STAT4: variants seen among roughly 807,000 people sequenced by gnomAD.
STAT4 encodes signal transducer and activator of transcription 4.
In STAT4, 42 loss-of-function variants were observed where a neutral mutation model predicts 110.5. The ratio of observed to expected loss-of-function variants is 0.38; its 90% CI spans 0.30 to 0.49. The LOEUF (loss-of-function observed/expected upper bound fraction) is 0.49. Among genes scored for constraint, STAT4 ranks in the 20% least tolerant of loss-of-function variants. STAT4 has a pLI of 0.95. For missense variants in STAT4, 632 were observed against 887.9 expected, an observed-to-expected ratio of 0.71 and a Z score of 3.66; for synonymous variants, 284 against 302.2, an observed-to-expected ratio of 0.94 and a Z score of 0.63.
chr2:191,031,137 G>A lies in STAT4; in HGVS notation c.2112-57C>T, dbSNP rs1285311166. The A allele has an allele frequency of 1.5e-5, 23 of 1,549,866 alleles. No homozygotes were observed. The highest frequency in any genetic ancestry group is 2.7e-5 in the African/African-American group (2 of 73,394). On this transcript the variant is annotated intron_variant, in intron 22 of 23. Transcript: ENST00000392320. The surrounding 1 kb of genome is among the most constrained non-coding windows in gnomAD (Gnocchi z 4.8). ...GGATTAAAAAATAATAATAGTTCAC[G>A]GTGACTTACTATGTCAGGAACTCAT...
intron 3 of STAT4, among the ~76,000 whole-genome samples, chr2:191,129,317 G>A (rs1449234520): frequency 6.6e-6 from 1 of 152,154 alleles, no homozygotes; most frequent in African/African-American, 2.4e-5. Context: ...GCACAGGCAT[G>A]GTGGTGCATG....
At chr2:191,098,852 C>T (rs1031499531) in intron 3 of STAT4, among the ~76,000 whole-genome samples, 2 of 151,742 alleles carry the variant, frequency 1.3e-5, no homozygotes, top group Non-Finnish European at 2.9e-5. Context: ...AGAAACTATA[C>T]AAAAAAGATG....
intron 14 of STAT4, among the ~76,000 whole-genome samples, chr2:191,052,487 T>A (rs1311654844): frequency 1.3e-5 from 2 of 152,304 alleles, no homozygotes; most frequent in East Asian, 3.8e-4. Context: ...TTGAAGGCAA[T>A]ATAAGTAGAC....
chr2:191,076,065 A>G, intron 4 of STAT4, 162 bp downstream of exon 4: 3 of 593,352 alleles, frequency 5.1e-6, no homozygotes, highest in Non-Finnish European at 9.0e-6. Context: ...CATTGGCCAG[A>G]CTGGTCTCAA....
Position 191,069,595 on chromosome 2 carries a change from A to C in STAT4, c.544+98T>G, listed in dbSNP as rs1285715040. 6.5e-5 allele frequency: 59 copies of C among 903,850 alleles called. 1 individual carries two copies. Among genetic ancestry groups the C allele is most frequent in the Non-Finnish European group, 1.0e-4 (57 of 565,208 alleles). The allele number at this position is 903,850 out of a possible 1,614,324, so 56.0% of individuals were successfully genotyped here. ...CCCTGTATTTCCCTAGGCTCACCTA[A>C]GGAAGTAGATCAAATTTATCCACTC... On this transcript the variant is annotated intron_variant, in intron 6 of 23. Transcript: ENST00000392320.
chr2:191,136,021 A>AT, intron 3 of STAT4, among the ~76,000 whole-genome samples: 1 of 135,506 alleles, frequency 7.4e-6, no homozygotes, highest in Admixed American at 7.4e-5. Flanking sequence ...AAAAAAAAAA[A>AT]ACCAAAAAAC....
At position 191,042,940 on chromosome 2, in the gene STAT4, T is replaced by C. The variant is rs987394310; in HGVS notation, c.1252-1792A>G. Among the ~76,000 whole-genome samples, 2 of 151,948 alleles carry C rather than the reference T, an allele frequency of 1.3e-5. No homozygotes were observed. The highest frequency in any genetic ancestry group is 2.9e-5 in the Non-Finnish European group (2 of 67,966). Reference sequence around the variant, plus strand: ...GATTACAGGCATGCGCCACCATGCCTGGCTAATTTTGTATTTTTAGTAGAG... The same window carrying C: ...GATTACAGGCATGCGCCACCATGCCCGGCTAATTTTGTATTTTTAGTAGAG... On this transcript the variant is annotated intron_variant, in intron 14 of 23. Transcript: ENST00000392320. This position sits in a 1 kb window ranked among gnomAD's most constrained non-coding sequence, Gnocchi z 4.2.
chr2:191,036,492 G>A (rs1696050182), intron 16 of STAT4, among the ~76,000 whole-genome samples, 193 bp from the exon 17 acceptor site: 1 of 152,118 alleles, frequency 6.6e-6, no homozygotes, highest in African/African-American at 2.4e-5. Flanking sequence ...CAGGGAACAA[G>A]CGTGTCCTAA....
At chr2:191,064,728 C>A in intron 8 of STAT4, 79 bp downstream of exon 8, 1 of 1,527,974 alleles carries the variant, frequency 6.5e-7, no homozygotes, top group Non-Finnish European at 8.8e-7. Flanking sequence ...CAGTCTAAAC[C>A]TGCGTTCTCT....
At chr2:191,101,530 G>A (rs561504444) in intron 3 of STAT4, among the ~76,000 whole-genome samples, 3 of 152,060 alleles carry the variant, frequency 2.0e-5, no homozygotes, top group Non-Finnish European at 4.4e-5. Flanking sequence ...CACTGTTGAT[G>A]TTTAGATTAC....
rs1202264662 is a variant in STAT4 at position 191,050,545 on chromosome 2, T to C, written c.1251+3945A>G. 6.6e-6 allele frequency among the ~76,000 whole-genome samples: 1 copy of C among 152,182 alleles called. No homozygotes were observed. The highest frequency in any genetic ancestry group is 1.5e-5 in the Non-Finnish European group (1 of 68,028). On this transcript the variant is annotated intron_variant, in intron 14 of 23. Coordinates refer to ENST00000392320, the MANE Select transcript of STAT4 (RefSeq NM_003151.4). The surrounding 1 kb of genome is among the most constrained non-coding windows in gnomAD (Gnocchi z 4.3). The stretch of plus-strand genomic sequence containing the variant: ...TGCACTTCTGAGGATTAAAGAATCT[T>C]AGTCAAAGGGACTTCAGAGATTGTC...
chr2:191,109,494 A>T (rs1054877584), intron 3 of STAT4, among the ~76,000 whole-genome samples: 4 of 152,118 alleles, frequency 2.6e-5, no homozygotes, highest in Non-Finnish European at 5.9e-5. Flanking sequence ...AATAATTCAG[A>T]AACATAGATG....
chr2:191,107,528 A>G lies in STAT4; in HGVS notation c.274-31203T>C, dbSNP rs140188082. On this transcript the variant is annotated intron_variant, in intron 3 of 23. Coordinates refer to ENST00000392320, the MANE Select transcript of STAT4 (RefSeq NM_003151.4). The surrounding 1 kb of genome is among the most constrained non-coding windows in gnomAD (Gnocchi z 4.2). ...GTTCAGGGGAGGCTGGGTTTATGTA[A>G]CTTGCCCAAAATCATGTTGCTAATA... 5.3e-4 allele frequency among the ~76,000 whole-genome samples: 81 copies of G among 152,312 alleles called. No individual in the cohort carries two copies. In the East Asian group the frequency reaches 0.013, roughly 24 times the overall value.
At chr2:191,125,185 A>G (rs1403910786) in intron 3 of STAT4, among the ~76,000 whole-genome samples, 1 of 152,188 alleles carries the variant, frequency 6.6e-6, no homozygotes, top group Non-Finnish European at 1.5e-5. Flanking sequence ...AAAGTTTGAT[A>G]TGGTACAGAT....
Position 191,035,734 on chromosome 2 carries a change from GT to G in STAT4, c.1570+429del, listed in dbSNP as rs1696025289. ...TAGTGAAGAAATCAGTCATTTTCCA[GT>G]TGGTTAATGTCAATTGAGACGTTCG... On this transcript the variant is annotated intron_variant, in intron 17 of 23. Coordinates refer to ENST00000392320, the MANE Select transcript of STAT4 (RefSeq NM_003151.4). The surrounding 1 kb of genome is among the most constrained non-coding windows in gnomAD (Gnocchi z 4.7). Among the ~76,000 whole-genome samples the G allele has an allele frequency of 6.6e-6, 1 of 152,214 alleles. No homozygotes were observed. The highest frequency in any genetic ancestry group is 2.4e-5 in the African/African-American group (1 of 41,452).
At chr2:191,114,257 A>G (rs190764432) in intron 3 of STAT4, among the ~76,000 whole-genome samples, 4 of 152,346 alleles carry the variant, frequency 2.6e-5, no homozygotes, top group African/African-American at 9.6e-5. Flanking sequence ...TGCCAAAATC[A>G]CGGTAATGAG....
At position 191,099,852 on chromosome 2, in the gene STAT4, A is replaced by C. The variant is rs1449149690; in HGVS notation, c.274-23527T>G. 1.3e-5 allele frequency among the ~76,000 whole-genome samples: 2 copies of C among 152,166 alleles called. No homozygotes were observed. The highest frequency in any genetic ancestry group is 2.9e-5 in the Non-Finnish European group (2 of 68,004). On this transcript the variant is annotated intron_variant, in intron 3 of 23. Transcript: ENST00000392320. The surrounding 1 kb of genome is among the most constrained non-coding windows in gnomAD (Gnocchi z 4.1). ...ATGTATATTATGATCTACTTTATGG[A>C]AAATTACATGAGTGTGTATGCAGTA... is the stretch of plus-strand genomic sequence containing the variant.
chr2:191,120,418 A>G (rs1370858679), intron 3 of STAT4, among the ~76,000 whole-genome samples: 1 of 152,172 alleles, frequency 6.6e-6, no homozygotes, highest in East Asian at 1.9e-4. Flanking sequence ...CAAAAATAAA[A>G]ATAGAAAAAT....
chr2:191,045,000 G>A (rs984156014), intron 14 of STAT4, among the ~76,000 whole-genome samples: 3 of 152,100 alleles, frequency 2.0e-5, no homozygotes, highest in African/African-American at 7.2e-5. Flanking sequence ...GGTAAACATC[G>A]AATACATTGA....
Sources: gnomAD v4.1 joint callset for allele counts (sites outside exome capture counted in the v4.1 genomes callset) on GRCh38, gnomAD v4.1.1 for gene constraint, Gnocchi (gnomAD v3.1) non-coding constraint, MANE v1.5 for transcripts, NCBI Gene and HGNC (gene_info 2026-07-23, HGNC 2026-07-21) for gene names.